Variants in TBC1D19 observed in about 807,000 individuals in gnomAD.
TBC1D19 encodes the protein TBC1 domain family, member 19.
A neutral mutation model predicts 89.0 loss-of-function variants in TBC1D19; 60 were observed. The observed-to-expected ratio is 0.67, with a 90% CI of 0.55 to 0.84. The LOEUF is 0.84. TBC1D19 is among the 40% of genes least tolerant of loss of function. The pLI, the probability that TBC1D19 is intolerant of heterozygous loss-of-function variation, is 0.00. For missense variants in TBC1D19, 500 were observed against 610.8 expected (o/e 0.82, Z 1.91); for synonymous variants, 189 against 199.7 (o/e 0.95, Z 0.45).
chr4:26,853,934 TTC>T, the TBC1D19 span, among the ~76,000 whole-genome samples: 1 of 152,242 alleles, frequency 6.6e-6, no homozygotes, highest in Non-Finnish European at 1.5e-5. Context: ...TTTCCAGACT[TTC>T]TGTTTTCCTT....
intron 15 of TBC1D19, among the ~76,000 whole-genome samples, chr4:26,734,991 T>C (rs1427565917): frequency 1.6e-5 from 2 of 124,722 alleles, no homozygotes; most frequent in South Asian, 2.6e-4. Flanking sequence ...TGTATATGTA[T>C]ATATGTATAC....
the TBC1D19 span, among the ~76,000 whole-genome samples, chr4:26,826,550 G>C: frequency 1.3e-5 from 2 of 152,150 alleles, no homozygotes; most frequent in Non-Finnish European, 2.9e-5. Flanking sequence ...AACATAAAAT[G>C]CTTCTCATCT....
chr4:26,715,518 G>T (rs1716535146), intron 13 of TBC1D19, among the ~76,000 whole-genome samples: 1 of 152,060 alleles, frequency 6.6e-6, no homozygotes, highest in South Asian at 2.1e-4. Flanking sequence ...ATGTATAAGT[G>T]CAGTTAATGA....
the TBC1D19 span, among the ~76,000 whole-genome samples, chr4:26,824,499 C>A: frequency 2.7e-4 from 41 of 152,050 alleles, no homozygotes; most frequent in African/African-American, 9.2e-4. Context: ...ATAAATAAAG[C>A]AAAATTCACT....
Position 26,742,531 on chromosome 4 carries a change from G to C in TBC1D19, c.1251G>C (p.Leu417=). 5 of 1,612,024 alleles carry C rather than the reference G, an allele frequency of 3.1e-6. No individual in the cohort carries two copies. The highest frequency in any genetic ancestry group is 4.2e-6 in the Non-Finnish European group (5 of 1,178,852). The change falls in exon 18 of 21, where the codon CTG becomes CTC. Residue 417 remains leucine, a synonymous_variant. Coordinates refer to ENST00000264866, the MANE Select transcript of TBC1D19 (RefSeq NM_018317.4). ...HPSGIVSLCL[L]FETLLQTYLP... ...AGGGTATTGTGTCACTCTGTCTGCT[G>C]TTTGAAACTCTTCTTCAAACTTATC...
At chr4:26,615,758 G>C (rs1219239540) in intron 3 of TBC1D19, among the ~76,000 whole-genome samples, 1 of 152,106 alleles carries the variant, frequency 6.6e-6, no homozygotes, top group African/African-American at 2.4e-5. Context: ...GAAGTTGACT[G>C]TGACCATACC....
chr4:26,822,455 T>C, the TBC1D19 span, among the ~76,000 whole-genome samples: 1 of 152,368 alleles, frequency 6.6e-6, no homozygotes, highest in East Asian at 1.9e-4. Context: ...CTTCCTGCTT[T>C]CTTCCCAGTG....
chr4:26,752,073 C>T (rs1208554132), intron 19 of TBC1D19, among the ~76,000 whole-genome samples: 1 of 152,072 alleles, frequency 6.6e-6, no homozygotes, highest in African/African-American at 2.4e-5. Context: ...CTTACTATGC[C>T]TCACTCTCTA....
chr4:26,845,542 C>T, the TBC1D19 span, among the ~76,000 whole-genome samples: 1 of 152,176 alleles, frequency 6.6e-6, no homozygotes, highest in Non-Finnish European at 1.5e-5. Context: ...ATTCCCTCCT[C>T]CCCTGACCTT....
the TBC1D19 span, among the ~76,000 whole-genome samples, chr4:26,812,772 TA>T: frequency 4.0e-5 from 6 of 150,706 alleles, no homozygotes; most frequent in African/African-American, 9.7e-5. This position sits in a 1 kb window ranked among gnomAD's most constrained non-coding sequence, Gnocchi z 4.2. Flanking sequence ...GATATATATA[TA>T]AAAAATACAT....
At chr4:26,737,039 A>T (rs1718094513) in intron 16 of TBC1D19, among the ~76,000 whole-genome samples, 1 of 152,196 alleles carries the variant, frequency 6.6e-6, no homozygotes, top group African/African-American at 2.4e-5. Flanking sequence ...GAAATACATT[A>T]ATGTTTTGCC....
At chr4:26,705,410 T>G (rs906247339) in intron 13 of TBC1D19, among the ~76,000 whole-genome samples, 3 of 152,228 alleles carry the variant, frequency 2.0e-5, no homozygotes, top group African/African-American at 7.2e-5. Flanking sequence ...TTTTATAGTT[T>G]TAGAACTTGC....
intron 12 of TBC1D19, 25 bp downstream of exon 12, chr4:26,683,774 TC>T: frequency 6.3e-7 from 1 of 1,576,666 alleles, no homozygotes; most frequent in Non-Finnish European, 8.7e-7. Context: ...GCTTAGTTTT[TC>T]CTTTTCATTA....
At chr4:26,780,719 C>A in the TBC1D19 span, among the ~76,000 whole-genome samples, 1 of 152,320 alleles carries the variant, frequency 6.6e-6, no homozygotes, top group South Asian at 2.1e-4. Flanking sequence ...CCTTGTAACA[C>A]CTCCCTTGAG....
intron 1 of TBC1D19, among the ~76,000 whole-genome samples, chr4:26,599,023 G>C (rs1250189734): frequency 6.6e-6 from 1 of 151,920 alleles, no homozygotes; most frequent in Non-Finnish European, 1.5e-5. Flanking sequence ...ACTCAAAAAA[G>C]TATTTGGCTG....
chr4:26,581,381 C>G (rs73114615), upstream of TBC1D19, among the ~76,000 whole-genome samples: 355 of 152,272 alleles, frequency 2.3e-3, 2 homozygotes, highest in African/African-American at 8.2e-3. Context: ...CCCTTGCCCC[C>G]CATCCCCTAA....
chr4:26,596,888 A>G (rs1204965310), intron 1 of TBC1D19, among the ~76,000 whole-genome samples: 2 of 152,210 alleles, frequency 1.3e-5, no homozygotes, highest in Non-Finnish European at 2.9e-5. Context: ...TTTCCAAGCA[A>G]TTGAGATACT....
At chr4:26,841,569 G>A in the TBC1D19 span, among the ~76,000 whole-genome samples, 1 of 152,238 alleles carries the variant, frequency 6.6e-6, no homozygotes, top group South Asian at 2.1e-4. Flanking sequence ...GCCCCTCACT[G>A]AGGTGTGGTG....
At chr4:26,587,548 G>A (rs1739489680) in intron 1 of TBC1D19, among the ~76,000 whole-genome samples, 1 of 145,434 alleles carries the variant, frequency 6.9e-6, no homozygotes, top group Admixed American at 7.0e-5. Flanking sequence ...CTGCACTTCA[G>A]CCTGGGTGAT....
Sources: gnomAD v4.1 joint callset for allele counts (sites outside exome capture counted in the v4.1 genomes callset) on GRCh38, gnomAD v4.1.1 for gene constraint, Gnocchi (gnomAD v3.1) non-coding constraint, MANE v1.5 for transcripts, NCBI Gene and HGNC (gene_info 2026-07-23, HGNC 2026-07-21) for gene names.